ASIC2: variants seen among roughly 807,000 people sequenced by gnomAD.
The protein encoded by ASIC2 is acid-sensing ion channel 2.
A neutral mutation model predicts 57.3 loss-of-function variants in ASIC2; 25 were observed. The ratio of observed to expected loss-of-function variants is 0.44; its 90% CI spans 0.32 to 0.61. ASIC2 has a LOEUF of 0.61. Among genes scored for constraint, ASIC2 ranks in the 20% least tolerant of loss-of-function variants. ASIC2 has a pLI of 0.06. For synonymous variants in ASIC2, 319 were observed against 307.5 expected, an observed-to-expected ratio of 1.04 and a Z score of -0.39; for missense variants, 641 against 738.1, an observed-to-expected ratio of 0.87 and a Z score of 1.52.
At chr17:33,466,500 A>G (rs1401773482) in intron 1 of ASIC2, among the ~76,000 whole-genome samples, 1 of 152,178 alleles carries the variant, frequency 6.6e-6, no homozygotes, top group East Asian at 1.9e-4. Flanking sequence ...ACCTACTTTC[A>G]AGTTCATATG....
chr17:33,593,284 T>A (rs1904880697), intron 1 of ASIC2, among the ~76,000 whole-genome samples: 1 of 152,202 alleles, frequency 6.6e-6, no homozygotes, highest in African/African-American at 2.4e-5. Flanking sequence ...TGGTTTTGAA[T>A]CATGCAGTGA....
intron 1 of ASIC2, among the ~76,000 whole-genome samples, chr17:33,181,527 C>G (rs925110943): frequency 6.6e-6 from 1 of 152,112 alleles, no homozygotes; most frequent in Non-Finnish European, 1.5e-5. Flanking sequence ...TCCATCTTTA[C>G]CTCTTCTGAC....
chr17:33,330,749 A>G (rs903531772), intron 1 of ASIC2, among the ~76,000 whole-genome samples: 11 of 151,518 alleles, frequency 7.3e-5, no homozygotes, highest in African/African-American at 1.2e-4. Flanking sequence ...TTCTTTGTGG[A>G]TGGGTTTATT....
At chr17:34,085,194 T>C (rs12452408) in intron 1 of ASIC2, among the ~76,000 whole-genome samples, 18,234 of 152,216 alleles carry the variant, frequency 0.12, 1,171 homozygotes, top group Admixed American at 0.19. Context: ...ATAGCTCTTA[T>C]TATTTTGAGA....
At chr17:34,038,252 G>A (rs1218559437) in intron 1 of ASIC2, 2 of 1,610,722 alleles carry the variant, frequency 1.2e-6, no homozygotes, top group Middle Eastern at 2.1e-4. Flanking sequence ...CTCTTTCTCT[G>A]ACATTAATTT....
intron 1 of ASIC2, among the ~76,000 whole-genome samples, chr17:34,125,993 C>T (rs1015169755): frequency 2.6e-5 from 4 of 152,306 alleles, no homozygotes; most frequent in South Asian, 2.1e-4. Context: ...TCCACTGGAG[C>T]GGAGTGGGAC....
At position 33,877,114 on chromosome 17, in the gene ASIC2, G is replaced by A. The variant is rs180987758; in HGVS notation, c.555+278864C>T. Among the ~76,000 whole-genome samples the A allele has an allele frequency of 1.9e-3, 282 of 152,314 alleles. 1 individual carries two copies. The highest frequency in any genetic ancestry group is 6.2e-3 in the African/African-American group (257 of 41,566). Reference sequence around the variant, plus strand: ...TTCTCCACAGTATGATATGCTGCATGTGCTGAATAAAAGTCTGATGAGGTG... The same window carrying A: ...TTCTCCACAGTATGATATGCTGCATATGCTGAATAAAAGTCTGATGAGGTG... On this transcript the variant is annotated intron_variant, in intron 1 of 9. Transcript: ENST00000359872.
At chr17:33,190,207 A>G (rs896436202) in intron 1 of ASIC2, among the ~76,000 whole-genome samples, 1 of 152,198 alleles carries the variant, frequency 6.6e-6, no homozygotes, top group Non-Finnish European at 1.5e-5. Flanking sequence ...TATGCAATTG[A>G]AATACAAAAA....
At chr17:34,042,404 G>A (rs939733671) in intron 1 of ASIC2, among the ~76,000 whole-genome samples, 2 of 151,844 alleles carry the variant, frequency 1.3e-5, no homozygotes, top group South Asian at 2.1e-4. Flanking sequence ...ACATAAACAG[G>A]AATAAATTTC....
chr17:33,929,638 AG>A (rs1251029211), intron 1 of ASIC2, among the ~76,000 whole-genome samples: 1 of 152,206 alleles, frequency 6.6e-6, no homozygotes, highest in Non-Finnish European at 1.5e-5. Flanking sequence ...TCAGGAGGAC[AG>A]GAAGTGCCCT....
intron 1 of ASIC2, among the ~76,000 whole-genome samples, chr17:33,966,586 C>T (rs185327047): frequency 4.3e-4 from 66 of 152,358 alleles, no homozygotes; most frequent in African/African-American, 1.5e-3. Flanking sequence ...GTGTTGTTCA[C>T]TAACCACACA....
chr17:33,040,744 T>C (rs2091926478), intron 3 of ASIC2, among the ~76,000 whole-genome samples: 1 of 152,172 alleles, frequency 6.6e-6, no homozygotes, highest in African/African-American at 2.4e-5. Context: ...TTGCAGTCTG[T>C]TTTTCAGACA....
In ASIC2 at chr17:33,458,144, G is replaced by A. The variant is rs116962611; in HGVS notation, c.556-346077C>T. 7.9e-3 allele frequency among the ~76,000 whole-genome samples: 1,205 copies of A among 152,248 alleles called. 10 individuals carry two copies. The highest frequency in any genetic ancestry group is 0.012 in the Non-Finnish European group (788 of 68,024). The stretch of plus-strand genomic sequence containing the variant: ...TTATGGAGTGGAAGGGGTTCCAGAC[G>A]GAGGAAACAGCCTGATAGATAGAAA... On this transcript the variant is annotated intron_variant, in intron 1 of 9. Coordinates refer to the ASIC2 transcript ENST00000359872.
chr17:33,664,067 A>G (rs1907390973), intron 1 of ASIC2, among the ~76,000 whole-genome samples: 2 of 152,156 alleles, frequency 1.3e-5, no homozygotes, highest in South Asian at 4.1e-4. Context: ...CTCCATGTCT[A>G]AGAGGGGTCA....
intron 1 of ASIC2, among the ~76,000 whole-genome samples, chr17:33,677,474 C>T (rs1331178073): frequency 1.3e-5 from 2 of 152,122 alleles, no homozygotes; most frequent in African/African-American, 4.8e-5. Context: ...TAGTAATTCC[C>T]CTGATGAATC....
intron 1 of ASIC2, among the ~76,000 whole-genome samples, chr17:33,881,382 C>A (rs1914696403): frequency 6.6e-6 from 1 of 152,220 alleles, no homozygotes; most frequent in African/African-American, 2.4e-5. Flanking sequence ...AGCCCAAAAT[C>A]TCCTTAAACT....
intron 1 of ASIC2, among the ~76,000 whole-genome samples, chr17:33,206,753 T>C (rs73279772): frequency 0.024 from 3,718 of 152,160 alleles, 146 homozygotes; most frequent in African/African-American, 0.085. Context: ...CCCAGACACC[T>C]CTAGATTGGA....
chr17:34,096,856 C>CA (rs71286247), intron 1 of ASIC2, among the ~76,000 whole-genome samples: 16,111 of 30,122 alleles, frequency 0.53, 6,857 homozygotes, highest in South Asian at 0.69. Flanking sequence ...GACTCCATCT[C>CA]AAAAAAAAAA....
At chr17:34,034,686 A>G (rs1485753663) in intron 1 of ASIC2, among the ~76,000 whole-genome samples, 7 of 152,192 alleles carry the variant, frequency 4.6e-5, no homozygotes, top group Non-Finnish European at 8.8e-5. Flanking sequence ...AAATCAATGT[A>G]CAAAAGTCAC....
Sources: gnomAD v4.1 joint callset for allele counts (sites outside exome capture counted in the v4.1 genomes callset) on GRCh38, gnomAD v4.1.1 for gene constraint, MANE v1.5 for transcripts, NCBI Gene and HGNC (gene_info 2026-07-23, HGNC 2026-07-21) for gene names.